Variants in UNC5B observed in about 807,000 individuals in gnomAD.
UNC5B encodes netrin receptor UNC5B.
In UNC5B, 56 loss-of-function variants were observed where a neutral mutation model predicts 103.7. That is an observed-to-expected ratio of 0.54 (90% CI 0.44 to 0.67). The LOEUF (loss-of-function observed/expected upper bound fraction) is 0.67, where lower values mean the gene tolerates loss of function less well. Ranked by LOEUF, UNC5B falls within the 30% of genes least tolerant of loss-of-function variation. The pLI is 0.00. For synonymous variants in UNC5B, 577 were observed against 542.0 expected, an observed-to-expected ratio of 1.06 and a Z score of -0.90; for missense variants, 1,194 against 1,284.5, an observed-to-expected ratio of 0.93 and a Z score of 1.08.
intron 1 of UNC5B, among the ~76,000 whole-genome samples, chr10:71,226,986 T>C (rs552335308): frequency 6.0e-5 from 9 of 150,728 alleles, no homozygotes; most frequent in Non-Finnish European, 1.2e-4. Context: ...CATTCTTCTT[T>C]TTTTTTTTTT....
chr10:71,264,538 C>G (rs1345269731), intron 1 of UNC5B, among the ~76,000 whole-genome samples: 3 of 152,188 alleles, frequency 2.0e-5, no homozygotes. Flanking sequence ...CTGTGTAATT[C>G]CTTCAGCTCC....
At chr10:71,285,504 A>G in intron 4 of UNC5B, 75 bp downstream of exon 4, 1 of 1,306,884 alleles carries the variant, frequency 7.7e-7, no homozygotes, top group South Asian at 1.4e-5. Flanking sequence ...CATGGTATTT[A>G]CCACCAGCCA....
chr10:71,287,746 C>A lies in UNC5B; in HGVS notation c.882C>A (p.Ala294=). ...FCEGQAFQKT[A]CTTICPVDGA... The stretch of plus-strand genomic sequence containing the variant: ...AGGGCCAGGCATTCCAGAAGACCGC[C>A]TGCACCACCATCTGCCCAGGTAAGG... Residue 294 remains alanine (A), a synonymous_variant, in exon 6 of 17, where the codon GCC becomes GCA. Coordinates refer to ENST00000335350, the MANE Select transcript of UNC5B (RefSeq NM_170744.5). 1 of 1,612,922 alleles carries A rather than the reference C, an allele frequency of 6.2e-7. No homozygotes were observed. Among genetic ancestry groups the A allele is most frequent in the Non-Finnish European group, 8.5e-7 (1 of 1,179,360 alleles).
chr10:71,220,606 G>C (rs906010559), intron 1 of UNC5B, among the ~76,000 whole-genome samples: 5 of 152,196 alleles, frequency 3.3e-5, no homozygotes, highest in African/African-American at 1.2e-4. Context: ...TAACTGGACT[G>C]TACCTCCATT....
intron 1 of UNC5B, among the ~76,000 whole-genome samples, chr10:71,249,171 G>A (rs533663195): frequency 2.0e-5 from 3 of 152,270 alleles, no homozygotes; most frequent in South Asian, 2.1e-4. Flanking sequence ...ACGTGACCAC[G>A]GCCACAGCTC....
At chr10:71,283,196 C>T (rs912359463) in intron 2 of UNC5B, among the ~76,000 whole-genome samples, 4 of 152,170 alleles carry the variant, frequency 2.6e-5, no homozygotes, top group South Asian at 2.1e-4. Flanking sequence ...CTGACCTCTG[C>T]TCTGCAACAG....
chr10:71,231,824 C>G (rs574443137), intron 1 of UNC5B, among the ~76,000 whole-genome samples: 4 of 152,196 alleles, frequency 2.6e-5, no homozygotes, highest in African/African-American at 9.6e-5. Flanking sequence ...AATGGGATCA[C>G]CTGGCACCTA....
chr10:71,256,945 A>T (rs1844304302), intron 1 of UNC5B, among the ~76,000 whole-genome samples: 1 of 152,206 alleles, frequency 6.6e-6, no homozygotes, highest in Non-Finnish European at 1.5e-5. Context: ...CAGGGTGGGC[A>T]GGAGGGTGAG....
chr10:71,248,190 G>A (rs1844082387), intron 1 of UNC5B, among the ~76,000 whole-genome samples: 1 of 152,128 alleles, frequency 6.6e-6, no homozygotes, highest in Non-Finnish European at 1.5e-5. Context: ...CAGTCTTGGG[G>A]CCTCCCTGGG....
At chr10:71,226,366 C>T (rs1183248603) in intron 1 of UNC5B, among the ~76,000 whole-genome samples, 1 of 152,350 alleles carries the variant, frequency 6.6e-6, no homozygotes, top group South Asian at 2.1e-4. Context: ...TGAGCCACCT[C>T]GCCCAGCCCA....
rs1843255969 is a variant in UNC5B at position 71,212,902 on chromosome 10, CGGCGGCGGCGGA to C, written c.-82_-71del. The C allele has an allele frequency of 2.9e-6, 3 of 1,040,156 alleles. No homozygotes were observed. Among genetic ancestry groups the C allele is most frequent in the Admixed American group, 4.3e-5 (1 of 23,186 alleles). 64.4% of individuals were successfully genotyped at this position (1,040,156 alleles called of 1,614,324 possible). A position where few individuals can be genotyped will look rare whatever the true frequency, so the allele number is the denominator to read the frequency against. ...GCCGGGGAGGACGGCGAGGAGGAGG[CGGCGGCGGCGGA>C]GACGGCGGCGGCGAGACTGGGGCCA... On this transcript the variant is annotated 5_prime_UTR_variant, in exon 1 of 17. Coordinates refer to ENST00000335350, the MANE Select transcript of UNC5B (RefSeq NM_170744.5).
chr10:71,293,383 C>T (rs774879065), intron 11 of UNC5B, 22 bp from the exon 12 acceptor site: 2 of 1,604,484 alleles, frequency 1.2e-6, no homozygotes, highest in Non-Finnish European at 8.5e-7. Context: ...CTGCCTCTCT[C>T]CTACCCTGTG....
At position 71,279,862 on chromosome 10, in the gene UNC5B, T is replaced by G. The variant is rs1844873257; in HGVS notation, c.121T>G (p.Ser41Ala). 6.2e-7 allele frequency: 1 copy of G among 1,613,734 alleles called. No homozygotes were observed. Among genetic ancestry groups the G allele is most frequent in the Non-Finnish European group, 8.5e-7 (1 of 1,179,914 alleles). Residue 41 changes from serine (S) to alanine (A), a missense_variant, in exon 2 of 17, where the codon TCA (serine) becomes GCA (alanine). Coordinates refer to ENST00000335350, the MANE Select transcript of UNC5B (RefSeq NM_170744.5). ...GSEVLPDSFP[S>A]APAEPLPYFL... is the part of the protein sequence containing the mutation. Reference sequence around the variant, plus strand: ...CGAGGTGCTCCCTGACTCCTTCCCGTCAGCGCCAGCAGAGCCGCTGCCCTA... The same window carrying G: ...CGAGGTGCTCCCTGACTCCTTCCCGGCAGCGCCAGCAGAGCCGCTGCCCTA...
At chr10:71,241,250 G>A (rs992253129) in intron 1 of UNC5B, among the ~76,000 whole-genome samples, 1 of 152,188 alleles carries the variant, frequency 6.6e-6, no homozygotes, top group Non-Finnish European at 1.5e-5. Context: ...TTAGCTAGAG[G>A]AGAGGTTGCC....
intron 1 of UNC5B, among the ~76,000 whole-genome samples, chr10:71,223,028 A>G (rs1843482119): frequency 6.6e-6 from 1 of 152,192 alleles, no homozygotes; most frequent in African/African-American, 2.4e-5. Context: ...ATTCGGAGTG[A>G]GCAGTGACCT....
chr10:71,291,837 G>A lies in UNC5B; in HGVS notation c.1684+16G>A. On this transcript the variant is annotated intron_variant, in intron 10 of 16. Coordinates refer to ENST00000335350, the MANE Select transcript of UNC5B (RefSeq NM_170744.5). ...CCCGGCACAGGTGAGCCCCTGCCCTGCTTGTGCGTCAGCCTGGCCTTAGCA... is the reference window on the plus strand; with the variant it reads ...CCCGGCACAGGTGAGCCCCTGCCCTACTTGTGCGTCAGCCTGGCCTTAGCA... 2 of 1,573,982 alleles carry A rather than the reference G, an allele frequency of 1.3e-6. No individual in the cohort carries two copies. The highest frequency in any genetic ancestry group is 1.7e-6 in the Non-Finnish European group (2 of 1,166,202).
chr10:71,239,157 C>T (rs973746038), intron 1 of UNC5B, among the ~76,000 whole-genome samples: 19 of 152,202 alleles, frequency 1.2e-4, no homozygotes, highest in Non-Finnish European at 2.5e-4. Context: ...ACTGACTTAT[C>T]ATCTCCCTCA....
At chr10:71,278,594 A>G (rs1205204937) in intron 1 of UNC5B, among the ~76,000 whole-genome samples, 4 of 152,250 alleles carry the variant, frequency 2.6e-5, no homozygotes, top group South Asian at 4.1e-4. Context: ...CTGTTCTTGG[A>G]AAACCAGGTG....
intron 1 of UNC5B, among the ~76,000 whole-genome samples, chr10:71,229,510 G>A (rs908478600): frequency 6.6e-6 from 1 of 152,176 alleles, no homozygotes; most frequent in Non-Finnish European, 1.5e-5. Flanking sequence ...GCCTGCTGAG[G>A]GTCTGACCTC....
Sources: allele counts gnomAD v4.1 joint callset (sites outside exome capture counted in the v4.1 genomes callset), GRCh38; gene constraint gnomAD v4.1.1; transcripts MANE v1.5; gene names NCBI Gene and HGNC (gene_info 2026-07-23, HGNC 2026-07-21).